Variants in SARDH observed in about 807,000 individuals in gnomAD.
SARDH encodes the protein sarcosine dehydrogenase, mitochondrial.
Under a neutral mutation model 109.1 loss-of-function variants are expected in SARDH, and 95 were observed. The ratio of observed to expected loss-of-function variants is 0.87; its 90% confidence interval spans 0.74 to 1.03. The LOEUF is 1.03. Among genes scored for constraint, SARDH ranks in the 50% least tolerant of loss-of-function variants. The probability of loss-of-function intolerance (pLI) is 0.00; values close to 1 mark genes in which losing one functional copy is unlikely to be tolerated. For synonymous variants in SARDH, 572 were observed against 534.8 expected, an observed-to-expected ratio of 1.07 and a Z score of -0.96; for missense variants, 1,267 against 1,287.8, an observed-to-expected ratio of 0.98 and a Z score of 0.25.
intron 8 of SARDH, among the ~76,000 whole-genome samples, chr9:133,715,285 G>A (rs754986463): frequency 4.1e-4 from 62 of 152,314 alleles, no homozygotes; most frequent in South Asian, 1.0e-3. Context: ...ATAGGGCTTC[G>A]TGGGGAGTAC....
At chr9:133,674,385 T>G (rs1011319656) in intron 17 of SARDH, among the ~76,000 whole-genome samples, 2 of 152,198 alleles carry the variant, frequency 1.3e-5, no homozygotes, top group Non-Finnish European at 2.9e-5. Context: ...CCACTCTGAC[T>G]CAGGTGGGCT....
At chr9:133,683,835 C>T (rs1830784844) in intron 17 of SARDH, among the ~76,000 whole-genome samples, 1 of 152,232 alleles carries the variant, frequency 6.6e-6, no homozygotes, top group East Asian at 1.9e-4. Context: ...CCACCCAAAC[C>T]CCAGACGAAC....
At position 133,666,667 on chromosome 9, in the gene SARDH, C is replaced by T. The variant is rs1007419123; in HGVS notation, c.2631+68G>A. The T allele has an allele frequency of 2.6e-6, 4 of 1,546,876 alleles. No individual in the cohort carries two copies. The highest frequency in any genetic ancestry group is 3.5e-6 in the Non-Finnish European group (4 of 1,143,850). On this transcript the variant is annotated intron_variant, in intron 20 of 20. Coordinates refer to ENST00000439388, the MANE Select transcript of SARDH (RefSeq NM_001134707.2). The surrounding 1 kb of genome is among the most constrained non-coding windows in gnomAD (Gnocchi z 5.2). The stretch of plus-strand genomic sequence containing the variant: ...TGCCCGGCACACTCAGGGTGCAGTG[C>T]AGGGAGCTGGTTTGGAGCTGGTGAG...
At chr9:133,696,468 T>TC in intron 13 of SARDH, 107 bp from the exon 14 acceptor site, 1 of 1,389,994 alleles carries the variant, frequency 7.2e-7, no homozygotes, top group African/African-American at 1.4e-5. Flanking sequence ...GTACTGAGCC[T>TC]CCCCTCCCTC....
At chr9:133,710,056 G>A (rs894479254) in intron 10 of SARDH, among the ~76,000 whole-genome samples, 6 of 152,296 alleles carry the variant, frequency 3.9e-5, no homozygotes, top group East Asian at 1.9e-4. Flanking sequence ...GGACCAGGCC[G>A]GCCCAGACCA....
chr9:133,732,833 C>A (rs1423140136), intron 2 of SARDH, among the ~76,000 whole-genome samples: 2 of 152,176 alleles, frequency 1.3e-5, no homozygotes, highest in Non-Finnish European at 2.9e-5. Context: ...ATAGCAAAGG[C>A]CCCCATTTTT....
At chr9:133,734,444 T>TCATTCATTCATTCACTCATTCATTCAC (rs1832812600) in intron 1 of SARDH, among the ~76,000 whole-genome samples, 3 of 128,978 alleles carry the variant, frequency 2.3e-5, no homozygotes, top group Non-Finnish European at 4.9e-5. Flanking sequence ...CATTCACTCA[T>TCATTCATTCATTCACTCATTCATTCAC]TCATTCATTC....
Position 133,722,642 on chromosome 9 carries a change from GCTCTCTCTCT to G in SARDH, c.916-3610_916-3601del, listed in dbSNP as rs56179331. Reference sequence around the variant, plus strand: ...AGGAAACCACTAAAAAACTACTAGCGCTCTCTCTCTCTCTCTCTCTCTCTCTCTCTCTCTC... The same window carrying G: ...AGGAAACCACTAAAAAACTACTAGCGCTCTCTCTCTCTCTCTCTCTCTCTC... On this transcript the variant is annotated intron_variant, in intron 6 of 20. Transcript: ENST00000439388. 1.4e-3 allele frequency among the ~76,000 whole-genome samples: 201 copies of G among 145,726 alleles called. 2 individuals are homozygous for G. Among genetic ancestry groups the G allele is most frequent in the East Asian group, 0.012 (60 of 4,912 alleles).
intron 16 of SARDH, 81 bp from the exon 17 acceptor site, chr9:133,685,367 T>G: frequency 9.2e-7 from 1 of 1,092,622 alleles, no homozygotes; most frequent in East Asian, 2.5e-5. Context: ...GGACCTGCCA[T>G]GAGTGGGATA....
chr9:133,733,639 C>T (rs2131513598), intron 2 of SARDH, among the ~76,000 whole-genome samples: 1 of 152,364 alleles, frequency 6.6e-6, no homozygotes, highest in South Asian at 2.1e-4. Flanking sequence ...CATCTGCTCC[C>T]TCCTCCCACC....
Position 133,696,332 on chromosome 9 carries a change from C to A in SARDH, c.1698G>T (p.Gly566=). The A allele has an allele frequency of 6.2e-7, 1 of 1,614,124 alleles. No homozygotes were observed. Among genetic ancestry groups the A allele is most frequent in the Non-Finnish European group, 8.5e-7 (1 of 1,180,030 alleles). The change falls in exon 14 of 21, where the codon GGG becomes GGT. Residue 566 remains glycine (G), a synonymous_variant. Coordinates refer to ENST00000439388, the MANE Select transcript of SARDH (RefSeq NM_001134707.2). ...TIKKECLACR[G]AAAVFDMSYF... ...AGGACATGTCAAACACAGCGGCGGCCCCTCTGCAGGCCAGGCACTCCTTCT... is the reference window on the plus strand; with the variant it reads ...AGGACATGTCAAACACAGCGGCGGCACCTCTGCAGGCCAGGCACTCCTTCT...
intron 16 of SARDH, among the ~76,000 whole-genome samples, chr9:133,687,130 T>A (rs908986243): frequency 2.0e-5 from 3 of 152,160 alleles, no homozygotes; most frequent in Non-Finnish European, 4.4e-5. Flanking sequence ...CAGTCCCTCA[T>A]CTGTGATGCC....
chr9:133,662,748 C>T (rs535534197), downstream of SARDH, among the ~76,000 whole-genome samples: 272 of 152,334 alleles, frequency 1.8e-3, 3 homozygotes, highest in African/African-American at 6.0e-3. This position sits in a 1 kb window ranked among gnomAD's most constrained non-coding sequence, Gnocchi z 5.1. Context: ...GGGGCCCCGG[C>T]TCCACGATAC....
chr9:133,715,198 A>T (rs1832074308), intron 8 of SARDH, among the ~76,000 whole-genome samples: 1 of 152,190 alleles, frequency 6.6e-6, no homozygotes, highest in South Asian at 2.1e-4. Context: ...GCAAGGAGAA[A>T]TGCTGATTCC....
intron 17 of SARDH, among the ~76,000 whole-genome samples, chr9:133,674,158 C>T (rs1246313216): frequency 6.6e-6 from 1 of 152,218 alleles, no homozygotes; most frequent in Non-Finnish European, 1.5e-5. Flanking sequence ...GGGATCAGTC[C>T]CCAGTTCTTC....
In SARDH at chr9:133,667,787, G is replaced by T. The variant is rs149155000; in HGVS notation, c.2496-917C>A. Among the ~76,000 whole-genome samples the T allele has an allele frequency of 2.5e-3, 387 of 152,262 alleles. 3 individuals are homozygous for T. The highest frequency in any genetic ancestry group is 0.01 in the Middle Eastern group (3 of 294). On this transcript the variant is annotated intron_variant, in intron 19 of 20. Transcript: ENST00000439388. ...CTGTTTGGGTCCCACCTGTCCATCA[G>T]ATTAGGACGAGGCTGGAAGGAGGTT...
At chr9:133,717,199 G>C in intron 8 of SARDH, 127 bp downstream of exon 8, 1 of 1,209,722 alleles carries the variant, frequency 8.3e-7, no homozygotes, top group Non-Finnish European at 1.2e-6. Flanking sequence ...GCCAAGCAGC[G>C]AGAGGGACCG....
chr9:133,680,692 C>A (rs1297352374), intron 17 of SARDH, among the ~76,000 whole-genome samples: 2 of 152,216 alleles, frequency 1.3e-5, no homozygotes, highest in Non-Finnish European at 2.9e-5. Context: ...GACCCACCGG[C>A]CACCCAGCAA....
At chr9:133,688,895 G>A (rs950754095) in intron 16 of SARDH, among the ~76,000 whole-genome samples, 1 of 152,216 alleles carries the variant, frequency 6.6e-6, no homozygotes, top group African/African-American at 2.4e-5. Context: ...GACCCTCTCC[G>A]ATTCTATCCC....
Sources: gnomAD v4.1 joint callset for allele counts (sites outside exome capture counted in the v4.1 genomes callset) on GRCh38, gnomAD v4.1.1 for gene constraint, Gnocchi (gnomAD v3.1) non-coding constraint, MANE v1.5 for transcripts, NCBI Gene and HGNC (gene_info 2026-07-23, HGNC 2026-07-21) for gene names.